Variants in MPP7 observed in about 807,000 individuals in gnomAD.
MPP7 encodes the protein MAGUK p55 subfamily member 7.
Under a neutral mutation model 76.5 loss-of-function variants are expected in MPP7, and 60 were observed. The observed-to-expected ratio is 0.78, with a 90% CI of 0.64 to 0.97. MPP7 has a LOEUF of 0.97. Ranked by LOEUF, MPP7 falls within the 50% of genes least tolerant of loss-of-function variation. The probability of loss-of-function intolerance (pLI) is 0.00; values close to 1 mark genes in which losing one functional copy is unlikely to be tolerated. For missense variants in MPP7, 641 were observed against 694.0 expected, an observed-to-expected ratio of 0.92 and a Z score of 0.86; for synonymous variants, 237 against 244.5, an observed-to-expected ratio of 0.97 and a Z score of 0.29.
In MPP7 at chr10:28,216,034, A is replaced by G. The variant is rs144946149; in HGVS notation, c.38-13763T>C. The stretch of plus-strand genomic sequence containing the variant: ...CATGTATTGGGTAGAGTGAACTGAG[A>G]GATGAGAACTTAAAAATGTGATCAC... On this transcript the variant is annotated intron_variant, in intron 2 of 16. Coordinates refer to ENST00000683449, the MANE Select transcript of MPP7 (RefSeq NM_001318170.2). 9.2e-5 allele frequency among the ~76,000 whole-genome samples: 14 copies of G among 152,222 alleles called. No individual in the cohort carries two copies. The East Asian group carries it at 2.7e-3, about 29-fold the overall frequency.
At chr10:28,296,009 G>C (rs1359202925) in intron 1 of MPP7, among the ~76,000 whole-genome samples, 2 of 152,168 alleles carry the variant, frequency 1.3e-5, no homozygotes, top group Non-Finnish European at 2.9e-5. Context: ...GCATACTCAA[G>C]TCATTAATTT....
intron 1 of MPP7, among the ~76,000 whole-genome samples, chr10:28,262,928 T>C (rs186827025): frequency 2.5e-4 from 38 of 152,256 alleles, no homozygotes; most frequent in Admixed American, 2.5e-3. Context: ...AGGTGGCATG[T>C]GCCTATAATC....
intron 3 of MPP7, among the ~76,000 whole-genome samples, chr10:28,156,800 C>T (rs1296964644): frequency 1.3e-5 from 2 of 152,220 alleles, no homozygotes; most frequent in African/African-American, 4.8e-5. Context: ...TGTCTGGACG[C>T]ACCCACAGCT....
chr10:28,072,182 G>A (rs2133373501), intron 12 of MPP7, among the ~76,000 whole-genome samples: 1 of 152,294 alleles, frequency 6.6e-6, no homozygotes, highest in South Asian at 2.1e-4. Context: ...GCTGAGGCAG[G>A]AGAATTGCTT....
intron 1 of MPP7, among the ~76,000 whole-genome samples, chr10:28,269,795 ATGTT>A (rs773506888): frequency 2.0e-5 from 3 of 152,072 alleles, no homozygotes; most frequent in African/African-American, 4.8e-5. Flanking sequence ...CCCAAGTACA[ATGTT>A]TGAATATTTT....
chr10:28,296,435 C>G (rs1454205514), intron 1 of MPP7, among the ~76,000 whole-genome samples: 1 of 152,222 alleles, frequency 6.6e-6, no homozygotes, highest in Admixed American at 6.5e-5. Context: ...CACTGAAAGA[C>G]TTTCTCACTT....
chr10:28,286,356 A>C (rs1840791294), intron 1 of MPP7, among the ~76,000 whole-genome samples: 2 of 112,590 alleles, frequency 1.8e-5, no homozygotes, highest in Admixed American at 2.1e-4. Context: ...AAAAAAAAAT[A>C]ATAATAAAAA....
intron 2 of MPP7, among the ~76,000 whole-genome samples, chr10:28,229,414 C>T (rs1024736296): frequency 6.6e-6 from 1 of 152,164 alleles, no homozygotes; most frequent in Non-Finnish European, 1.5e-5. Flanking sequence ...CAAATAAAAA[C>T]ATTTTCAGCA....
At chr10:28,206,845 GT>G (rs1837965125) in intron 2 of MPP7, among the ~76,000 whole-genome samples, 3 of 152,034 alleles carry the variant, frequency 2.0e-5, no homozygotes, top group South Asian at 4.1e-4. Flanking sequence ...TATCTTTAAC[GT>G]TGGCAAATGT....
intron 2 of MPP7, among the ~76,000 whole-genome samples, chr10:28,211,411 C>A (rs1035973892): frequency 6.6e-6 from 1 of 151,466 alleles, no homozygotes; most frequent in African/African-American, 2.4e-5. Flanking sequence ...ATGCTTTGAG[C>A]AACTTCAAGT....
chr10:28,246,791 C>T (rs1839448387), intron 1 of MPP7, among the ~76,000 whole-genome samples: 1 of 152,044 alleles, frequency 6.6e-6, no homozygotes. Flanking sequence ...CTAGATCCCT[C>T]CCTTGACACA....
At chr10:28,130,034 G>A (rs1243559929) in intron 6 of MPP7, among the ~76,000 whole-genome samples, 1 of 152,078 alleles carries the variant, frequency 6.6e-6, no homozygotes, top group Non-Finnish European at 1.5e-5. Flanking sequence ...CATAACCTGT[G>A]TTCACAGCCT....
rs896115567 is a variant in MPP7, at chr10:28,053,464, A to C, written c.*601T>G. 2 of 152,238 alleles carry C rather than the reference A, an allele frequency of 1.3e-5. No individual in the cohort carries two copies. Among genetic ancestry groups the C allele is most frequent in the African/African-American group, 4.8e-5 (2 of 41,462 alleles). 9.4% of individuals were successfully genotyped at this position (152,238 alleles called of 1,614,324 possible). On this transcript the variant is annotated 3_prime_UTR_variant, in exon 17 of 17. Transcript: ENST00000683449. Reference sequence around the variant, plus strand: ...AAGGACTTCTCAAGCTATATTATGAAGGCCATTCACTCAAGGTAAAATTTC... The same window carrying C: ...AAGGACTTCTCAAGCTATATTATGACGGCCATTCACTCAAGGTAAAATTTC...
chr10:28,247,439 T>A (rs532681966), intron 1 of MPP7, among the ~76,000 whole-genome samples: 2 of 152,334 alleles, frequency 1.3e-5, no homozygotes, highest in South Asian at 4.1e-4. Flanking sequence ...ATGGTTGCAA[T>A]CATGTATATT....
In MPP7 at chr10:28,125,031, C is replaced by G. The variant is rs777876178; in HGVS notation, c.508G>C (p.Gly170Arg). ...TCACCACTTCTATCTGCAGCTCCTC[C>G]TCTCATGATTCTGGCCACAATGATC... Reference protein sequence around the residue: ...GAIIVARIMRGGAADRSGLIH... With the variant: ...GAIIVARIMRRGAADRSGLIH... The change falls in exon 7 of 17, where the codon GGA becomes CGA. Residue 170 changes from glycine to arginine, a missense_variant. By Grantham distance (125) the Gly-to-Arg change is moderately radical. Coordinates refer to ENST00000683449, the MANE Select transcript of MPP7 (RefSeq NM_001318170.2). 9.9e-6 allele frequency: 16 copies of G among 1,613,884 alleles called. No individual in the cohort carries two copies. In the Admixed American group the frequency reaches 2.3e-4, roughly 24 times the overall value.
chr10:28,306,072 G>C (rs1841253237), upstream of MPP7: 1 of 152,098 alleles, frequency 6.6e-6, no homozygotes. Context: ...TCTTGGGATG[G>C]CTATCTTTAC....
At chr10:28,172,449 C>CGTTT (rs759845362) in intron 3 of MPP7, among the ~76,000 whole-genome samples, 17 of 152,216 alleles carry the variant, frequency 1.1e-4, no homozygotes, top group Non-Finnish European at 2.5e-4. Context: ...CTACCCTAAA[C>CGTTT]ATACATGTAT....
intron 13 of MPP7, among the ~76,000 whole-genome samples, chr10:28,064,102 C>T (rs1436413379): frequency 6.6e-6 from 1 of 152,138 alleles, no homozygotes; most frequent in Non-Finnish European, 1.5e-5. Context: ...GAAACAAAAA[C>T]ATATTTGTCA....
intron 15 of MPP7, chr10:28,057,969 C>T (rs1851629142): frequency 1.2e-6 from 1 of 825,538 alleles, no homozygotes; most frequent in Non-Finnish European, 1.6e-6. Flanking sequence ...ATGGAGTTTC[C>T]AGGATGACAG....
Sources: gnomAD v4.1 joint callset for allele counts (sites outside exome capture counted in the v4.1 genomes callset) on GRCh38, gnomAD v4.1.1 for gene constraint, MANE v1.5 for transcripts, NCBI Gene and HGNC (gene_info 2026-07-23, HGNC 2026-07-21) for gene names.